DAB1: variants seen among roughly 807,000 people sequenced by gnomAD.
The protein encoded by DAB1 is disabled homolog 1.
DAB1 carries 15 observed loss-of-function variants against 64.6 expected under a neutral mutation model. That is an observed-to-expected ratio of 0.23 (90% CI 0.16 to 0.36). DAB1 has a LOEUF of 0.36. DAB1 is among the 10% of genes least tolerant of loss of function. The probability of loss-of-function intolerance (pLI) is 1.00; values close to 1 mark genes in which losing one functional copy is unlikely to be tolerated. For synonymous variants in DAB1, 235 were observed against 251.9 expected (o/e 0.93, Z 0.64); for missense variants, 596 against 706.7 (o/e 0.84, Z 1.78).
intron 3 of DAB1, among the ~76,000 whole-genome samples, chr1:58,496,848 CGT>C (rs756577473): frequency 6.6e-6 from 1 of 152,110 alleles, no homozygotes; most frequent in Non-Finnish European, 1.5e-5. Flanking sequence ...ATAGATTTCT[CGT>C]GAAGACACAT....
At chr1:57,003,550 C>A (rs1242299099) in intron 14 of DAB1, among the ~76,000 whole-genome samples, 1 of 151,972 alleles carries the variant, frequency 6.6e-6, no homozygotes, top group Non-Finnish European at 1.5e-5. Flanking sequence ...AACAACATAA[C>A]CTTTGCCATT....
chr1:57,535,207 G>A (rs913238400), intron 7 of DAB1, among the ~76,000 whole-genome samples: 13 of 152,202 alleles, frequency 8.5e-5, no homozygotes, highest in Admixed American at 2.0e-4. Context: ...AATTGTGGCC[G>A]CATTTATTGT....
At position 57,352,090 on chromosome 1, in the gene DAB1, A is replaced by G. The variant is rs6670089; in HGVS notation, c.-136-60924T>C. 5.4e-3 allele frequency among the ~76,000 whole-genome samples: 818 copies of G among 152,306 alleles called. 10 individuals carry two copies. Among genetic ancestry groups the G allele is most frequent in the African/African-American group, 0.018 (751 of 41,568 alleles). ...TTCCAAATCAAAGAAGGAAGAAAAC[A>G]TATACCTGGCTGACTTTGTTCCATC... On this transcript the variant is annotated intron_variant, in intron 1 of 14. Transcript: ENST00000371236.
At chr1:57,834,741 T>C (rs1363810413) in intron 1 of DAB1, among the ~76,000 whole-genome samples, 2 of 151,882 alleles carry the variant, frequency 1.3e-5, no homozygotes, top group Non-Finnish European at 2.9e-5. Context: ...GTTTAAAATA[T>C]ATATACATAA....
At chr1:57,831,012 C>G (rs1652559011) in intron 1 of DAB1, among the ~76,000 whole-genome samples, 1 of 152,104 alleles carries the variant, frequency 6.6e-6, no homozygotes, top group Non-Finnish European at 1.5e-5. Flanking sequence ...CTCCTGGGTT[C>G]ACACCATTCT....
In DAB1 at chr1:58,300,646, G is replaced by GAGAAAGGA. The variant is rs1662140791; in HGVS notation, n.309+42705_309+42706insTCCTTTCT. On this transcript the variant is annotated intron_variant and non_coding_transcript_variant, in intron 4 of 20. Coordinates refer to the DAB1 transcript ENST00000485760. ...AGAGAGAGAGAGAGAGAGAGAGAGA[G>GAGAAAGGA]AGGAAGGAAGGAAGGAAGGAAGGAA... 1.0e-4 allele frequency among the ~76,000 whole-genome samples: 6 copies of GAGAAAGGA among 57,346 alleles called. 1 individual carries two copies. The highest frequency in any genetic ancestry group is 1.8e-4 in the Admixed American group (1 of 5,692). The allele number at this position is 57,346 out of a possible 152,430, so 37.6% of individuals were successfully genotyped here.
intron 2 of DAB1, among the ~76,000 whole-genome samples, chr1:57,245,193 C>T (rs1234361498): frequency 6.6e-6 from 1 of 152,180 alleles, no homozygotes; most frequent in Non-Finnish European, 1.5e-5. Context: ...TATACTTTGG[C>T]ACAGATTGGT....
At chr1:57,999,050 G>A (rs1323306834) in intron 5 of DAB1, among the ~76,000 whole-genome samples, 1 of 152,202 alleles carries the variant, frequency 6.6e-6, no homozygotes, top group African/African-American at 2.4e-5. Flanking sequence ...GGGAGCATTT[G>A]TGAGCTGCTG....
intron 1 of DAB1, among the ~76,000 whole-genome samples, chr1:57,832,513 T>C (rs1652633249): frequency 6.6e-6 from 1 of 152,218 alleles, no homozygotes; most frequent in Non-Finnish European, 1.5e-5. Flanking sequence ...AGCGGTGCTC[T>C]CCATTGCTGT....
chr1:57,984,258 A>G (rs1570163488), intron 5 of DAB1, among the ~76,000 whole-genome samples: 1 of 140,642 alleles, frequency 7.1e-6, no homozygotes, highest in Admixed American at 7.0e-5. Context: ...GAAAGAAAGA[A>G]AGAAAAAAAA....
intron 6 of DAB1, among the ~76,000 whole-genome samples, chr1:57,790,807 T>C (rs1408146): frequency 0.81 from 123,427 of 152,148 alleles, 50,233 homozygotes; most frequent in African/African-American, 0.86. Context: ...CATGTTTATA[T>C]ATGTTTGAGT....
chr1:57,344,985 T>G (rs1677962953), intron 1 of DAB1, among the ~76,000 whole-genome samples: 1 of 152,192 alleles, frequency 6.6e-6, no homozygotes, highest in East Asian at 1.9e-4. Context: ...GCTACCCCGA[T>G]AGGATATGCA....
At position 57,663,761 on chromosome 1, in the gene DAB1, T is replaced by C. The variant is rs199770555; in HGVS notation, n.552-14096A>G. ...TTTATAGTATGCATGTGACGGATCC[T>C]TATTAATATTACATTCTTCTGGTTG... is the stretch of plus-strand genomic sequence containing the variant. On this transcript the variant is annotated intron_variant and non_coding_transcript_variant, in intron 6 of 20. Transcript: ENST00000485760. Among the ~76,000 whole-genome samples the C allele has an allele frequency of 7.2e-5, 11 of 152,330 alleles. No individual in the cohort carries two copies. In the South Asian group the frequency reaches 2.1e-3, roughly 29 times the overall value.
At chr1:58,036,428 A>T (rs1647046513) in intron 5 of DAB1, among the ~76,000 whole-genome samples, 4 of 152,250 alleles carry the variant, frequency 2.6e-5, no homozygotes, top group Admixed American at 6.5e-5. Flanking sequence ...CCACAGGGAG[A>T]TCTAGCTCTC....
intron 5 of DAB1, among the ~76,000 whole-genome samples, chr1:57,918,652 G>C (rs760050096): frequency 6.6e-6 from 1 of 151,934 alleles, no homozygotes; most frequent in Non-Finnish European, 1.5e-5. Flanking sequence ...GTGAAACCCC[G>C]TCTCTACTAA....
At chr1:57,354,391 CT>C (rs1023834449) in intron 1 of DAB1, among the ~76,000 whole-genome samples, 2 of 151,974 alleles carry the variant, frequency 1.3e-5, no homozygotes, top group Non-Finnish European at 2.9e-5. Context: ...TGTGGGTTGA[CT>C]TTTCTTTTTG....
At chr1:57,244,986 G>A (rs1668755809) in intron 2 of DAB1, among the ~76,000 whole-genome samples, 1 of 152,210 alleles carries the variant, frequency 6.6e-6, no homozygotes, top group Non-Finnish European at 1.5e-5. Flanking sequence ...TTGGAACTGG[G>A]TAAGGGGTAG....
intron 4 of DAB1, among the ~76,000 whole-genome samples, chr1:58,316,620 G>A (rs1202657511): frequency 6.6e-6 from 1 of 152,124 alleles, no homozygotes; most frequent in Non-Finnish European, 1.5e-5. Flanking sequence ...TGATCTGAAG[G>A]AGGGATGCTT....
intron 4 of DAB1, among the ~76,000 whole-genome samples, chr1:57,112,173 C>G (rs1435143734): frequency 6.6e-6 from 1 of 152,116 alleles, no homozygotes; most frequent in Non-Finnish European, 1.5e-5. Context: ...TTCAGCATTC[C>G]TTTATGTCTG....
Sources: allele counts gnomAD v4.1 joint callset (sites outside exome capture counted in the v4.1 genomes callset), GRCh38; gene constraint gnomAD v4.1.1; transcripts MANE v1.5; gene names NCBI Gene and HGNC (gene_info 2026-07-23, HGNC 2026-07-21).